The following STK31 variants were observed in gnomAD, a reference collection of about 807,000 sequenced individuals.
STK31 encodes the protein serine/threonine kinase 31, also known as serine/threonine-protein kinase 31.
In STK31, 89 loss-of-function variants were observed where a neutral mutation model predicts 129.7. The ratio of observed to expected loss-of-function variants is 0.69; its 90% CI spans 0.58 to 0.82. The LOEUF (loss-of-function observed/expected upper bound fraction) is 0.82. Among genes scored for constraint, STK31 ranks in the 40% least tolerant of loss-of-function variants. The pLI is 0.00. For synonymous variants in STK31, 448 were observed against 395.3 expected, an observed-to-expected ratio of 1.13 and a Z score of -1.58; for missense variants, 1,187 against 1,176.4, an observed-to-expected ratio of 1.01 and a Z score of -0.13.
chr7:23,823,809 T>TC (rs1447909881), intron 23 of STK31, among the ~76,000 whole-genome samples: 1 of 152,250 alleles, frequency 6.6e-6, no homozygotes, highest in Non-Finnish European at 1.5e-5. Context: ...TTCAGCTTTC[T>TC]ATATACGGCT....
intron 15 of STK31, among the ~76,000 whole-genome samples, chr7:23,775,727 G>A (rs145710984): frequency 3.9e-4 from 60 of 152,262 alleles, no homozygotes; most frequent in African/African-American, 1.3e-3. Context: ...AGGAGATTTT[G>A]GGCTGAGACG....
chr7:23,769,806 C>G (rs1790075007), intron 13 of STK31, 50 bp downstream of exon 13: 2 of 1,234,538 alleles, frequency 1.6e-6, no homozygotes, highest in East Asian at 4.7e-5. Flanking sequence ...AGTGTGGTTT[C>G]CTTTCATGGT....
chr7:23,760,349 G>T (rs1789386162), intron 10 of STK31, among the ~76,000 whole-genome samples: 1 of 152,152 alleles, frequency 6.6e-6, no homozygotes, highest in Admixed American at 6.5e-5. Flanking sequence ...GACTGCCTCT[G>T]AATGAGAAGT....
chr7:23,824,096 C>G (rs949598652), intron 23 of STK31, among the ~76,000 whole-genome samples: 3 of 152,162 alleles, frequency 2.0e-5, no homozygotes, highest in Non-Finnish European at 4.4e-5. Context: ...TTGTTGGTTC[C>G]ATATGAACTT....
chr7:23,713,714 A>G (rs2128059575), intron 3 of STK31, among the ~76,000 whole-genome samples: 1 of 152,260 alleles, frequency 6.6e-6, no homozygotes, highest in East Asian at 1.9e-4. Flanking sequence ...TTGTCCTACT[A>G]GAAGGTCTTC....
intron 22 of STK31, among the ~76,000 whole-genome samples, chr7:23,808,943 T>TTGTGTGTGTGTGTGTGTGTGTGTGTG (rs1554297249): frequency 9.3e-4 from 79 of 84,492 alleles, no homozygotes; most frequent in African/African-American, 1.6e-3. Context: ...CTTGGAGCTT[T>TTGTGTGTGTGTGTGTGTGTGTGTGTG]TGTGTGTGTG....
chr7:23,798,235 C>T (rs1301234427), intron 22 of STK31, among the ~76,000 whole-genome samples: 1 of 152,154 alleles, frequency 6.6e-6, no homozygotes, highest in Non-Finnish European at 1.5e-5. Flanking sequence ...AGGGAATCCT[C>T]CCTAACTCAT....
chr7:23,769,547 G>A (rs1790054371), intron 12 of STK31, 93 bp from the exon 13 acceptor site: 3 of 848,068 alleles, frequency 3.5e-6, no homozygotes, highest in African/African-American at 1.7e-5. Context: ...CATTGCCCAG[G>A]GTATAGCTTA....
intron 11 of STK31, among the ~76,000 whole-genome samples, 190 bp from the exon 12 acceptor site, chr7:23,768,805 T>C (rs528938563): frequency 2.0e-5 from 3 of 152,360 alleles, no homozygotes; most frequent in Admixed American, 1.3e-4. Context: ...TTTACTGTTA[T>C]GGTCCAAATA....
chr7:23,790,924 C>G lies in STK31; in HGVS notation c.2738C>G (p.Ala913Gly). ...KPASPGSDLY[A>G]YGCLLLWLSV... Reference sequence around the variant, plus strand: ...GCTTCTCCAGGTTCAGACTTATATGCTTATGGCTGCCTCTTATTATGGGTA... The same window carrying G: ...GCTTCTCCAGGTTCAGACTTATATGGTTATGGCTGCCTCTTATTATGGGTA... Residue 913 changes from alanine (A) to glycine (G), a missense_variant, in exon 22 of 24, where the codon GCT becomes GGT. Physicochemically the swap from Ala to Gly is moderately conservative, Grantham distance 60. Transcript: ENST00000355870. 6.3e-7 allele frequency: 1 copy of G among 1,584,778 alleles called. No homozygotes were observed. The highest frequency in any genetic ancestry group is 1.2e-5 in the South Asian group (1 of 84,718).
intron 17 of STK31, 91 bp downstream of exon 17, chr7:23,783,754 TC>T: frequency 9.7e-7 from 1 of 1,033,820 alleles, no homozygotes; most frequent in Non-Finnish European, 1.4e-6. Context: ...ACTTATAGTA[TC>T]TTTTAAATAA....
intron 10 of STK31, among the ~76,000 whole-genome samples, chr7:23,760,803 CG>C (rs5882912): frequency 0.52 from 78,245 of 151,780 alleles, 20,440 homozygotes; most frequent in East Asian, 0.61. Flanking sequence ...GGACTACAGG[CG>C]GTGTACTACC....
At chr7:23,732,161 A>T (rs1415288157) in intron 6 of STK31, among the ~76,000 whole-genome samples, 3 of 151,972 alleles carry the variant, frequency 2.0e-5, no homozygotes, top group African/African-American at 7.3e-5. Context: ...ATACAAAAAA[A>T]TTAGCTGGGC....
chr7:23,772,459 G>A (rs1790260593), intron 15 of STK31, among the ~76,000 whole-genome samples, 181 bp downstream of exon 15: 1 of 152,020 alleles, frequency 6.6e-6, no homozygotes, highest in Non-Finnish European at 1.5e-5. Flanking sequence ...TACAGTAATA[G>A]TGTAAAAATT....
At chr7:23,714,002 A>G (rs1377133990) in intron 3 of STK31, among the ~76,000 whole-genome samples, 4 of 152,174 alleles carry the variant, frequency 2.6e-5, no homozygotes, top group African/African-American at 9.6e-5. Context: ...CACCACAAAT[A>G]TGTGAGTAAT....
chr7:23,776,616 A>G (rs180872292), intron 15 of STK31, among the ~76,000 whole-genome samples: 4 of 152,232 alleles, frequency 2.6e-5, no homozygotes, highest in African/African-American at 7.2e-5. Flanking sequence ...GTCGATTTGC[A>G]TAGAGGTGTT....
chr7:23,716,741 C>T (rs1380951227), intron 3 of STK31, among the ~76,000 whole-genome samples: 2 of 151,198 alleles, frequency 1.3e-5, no homozygotes, highest in African/African-American at 2.4e-5. Flanking sequence ...ACAAAGTTCA[C>T]CAAAGAATAC....
At chr7:23,781,240 T>C (rs1479956413) in intron 15 of STK31, among the ~76,000 whole-genome samples, 179 bp from the exon 16 acceptor site, 1 of 152,228 alleles carries the variant, frequency 6.6e-6, no homozygotes, top group Non-Finnish European at 1.5e-5. Flanking sequence ...TTCAGAAAAG[T>C]CATTGTTAGA....
intron 3 of STK31, among the ~76,000 whole-genome samples, chr7:23,714,473 G>A (rs1786176343): frequency 6.6e-6 from 1 of 152,146 alleles, no homozygotes; most frequent in Non-Finnish European, 1.5e-5. Flanking sequence ...ATTTTTGGCA[G>A]CCACATTGAA....
Sources: allele counts gnomAD v4.1 joint callset (sites outside exome capture counted in the v4.1 genomes callset), GRCh38; gene constraint gnomAD v4.1.1; transcripts MANE v1.5; gene names NCBI Gene and HGNC (gene_info 2026-07-23, HGNC 2026-07-21).